The following PPP1R12B variants were observed in gnomAD, a reference collection of about 807,000 sequenced individuals.
The protein encoded by PPP1R12B is myosin phosphatase target subunit 2.
In PPP1R12B, 76 loss-of-function variants were observed where a neutral mutation model predicts 126.1. The observed-to-expected ratio is 0.60, with a 90% CI of 0.50 to 0.73. The LOEUF is 0.73. Ranked by LOEUF, PPP1R12B falls within the 30% of genes least tolerant of loss-of-function variation. The pLI is 0.00. For synonymous variants in PPP1R12B, 356 were observed against 434.7 expected (o/e 0.82, Z 2.25); for missense variants, 1,052 against 1,205.1 (o/e 0.87, Z 1.88).
At chr1:202,361,745 C>T (rs180800369) in intron 1 of PPP1R12B, among the ~76,000 whole-genome samples, 1 of 151,932 alleles carries the variant, frequency 6.6e-6, no homozygotes, top group Non-Finnish European at 1.5e-5. Context: ...GGGAACGCTC[C>T]AAAGAAAACT....
intron 13 of PPP1R12B, among the ~76,000 whole-genome samples, chr1:202,467,278 G>A (rs1675147443): frequency 6.6e-6 from 1 of 150,826 alleles, no homozygotes; most frequent in African/African-American, 2.4e-5. Flanking sequence ...GAACGTACAG[G>A]TTAGTTACAT....
At chr1:202,549,544 C>T (rs1352875303) in intron 18 of PPP1R12B, among the ~76,000 whole-genome samples, 2 of 151,874 alleles carry the variant, frequency 1.3e-5, no homozygotes, top group Non-Finnish European at 2.9e-5. Flanking sequence ...CTCAGCCTCC[C>T]GAGTAGCTGG....
intron 1 of PPP1R12B, among the ~76,000 whole-genome samples, chr1:202,367,920 G>A (rs1469163850): frequency 1.3e-5 from 2 of 151,906 alleles, no homozygotes; most frequent in Admixed American, 6.6e-5. Flanking sequence ...CTCATGGTTT[G>A]GTGCTGTTCT....
At chr1:202,356,736 A>G (rs986606695) in intron 1 of PPP1R12B, among the ~76,000 whole-genome samples, 1 of 151,982 alleles carries the variant, frequency 6.6e-6, no homozygotes, top group African/African-American at 2.4e-5. Flanking sequence ...AAGGCAAGGA[A>G]GTGGATTCTT....
At chr1:202,569,948 G>A (rs1218455017) in intron 23 of PPP1R12B, among the ~76,000 whole-genome samples, 4 of 152,168 alleles carry the variant, frequency 2.6e-5, no homozygotes, top group African/African-American at 7.2e-5. Context: ...GGGGCAGGGG[G>A]AGGGGAGGAG....
chr1:202,373,820 G>C (rs1660703401), intron 1 of PPP1R12B, among the ~76,000 whole-genome samples: 2 of 152,016 alleles, frequency 1.3e-5, no homozygotes, highest in Admixed American at 6.6e-5. Flanking sequence ...ACACAGAAAA[G>C]TGTACATAAA....
intron 1 of PPP1R12B, among the ~76,000 whole-genome samples, chr1:202,384,394 T>C (rs1173781252): frequency 6.6e-6 from 1 of 152,186 alleles, no homozygotes; most frequent in Non-Finnish European, 1.5e-5. Context: ...AGTACTGATA[T>C]ATGCTACAAC....
intron 23 of PPP1R12B, chr1:202,575,826 C>A (rs1487403610): frequency 6.6e-6 from 1 of 152,142 alleles, no homozygotes; most frequent in Non-Finnish European, 1.5e-5. Flanking sequence ...GAACCACAGC[C>A]CTTTGGATAC....
rs1478149475 is a variant in PPP1R12B at position 202,584,832 on chromosome 1, T to A, written c.*4272T>A. ...AATTCTACTCTACCAGATGAGCCAC[T>A]GGTTCCACTGGAGCTTATCAGTGAA... On this transcript the variant is annotated 3_prime_UTR_variant, in exon 24 of 24. Transcript: ENST00000608999. 1 of 152,230 alleles carries A rather than the reference T, an allele frequency of 6.6e-6. No individual in the cohort carries two copies. Among genetic ancestry groups the A allele is most frequent in the African/African-American group, 2.4e-5 (1 of 41,468 alleles). 9.4% of individuals were successfully genotyped at this position (152,230 alleles called of 1,614,324 possible).
At chr1:202,414,010 C>T (rs1485890599) in intron 1 of PPP1R12B, among the ~76,000 whole-genome samples, 3 of 152,172 alleles carry the variant, frequency 2.0e-5, no homozygotes, top group South Asian at 2.1e-4. Flanking sequence ...CAACGTCTGC[C>T]TCCTGGGTTC....
intron 18 of PPP1R12B, chr1:202,502,627 T>C (rs1258449418): frequency 6.6e-6 from 2 of 301,204 alleles, no homozygotes; most frequent in Non-Finnish European, 4.9e-6. Context: ...AAAATAAATA[T>C]ATAAAGTAAA....
At chr1:202,373,384 CTA>C (rs1354724700) in intron 1 of PPP1R12B, among the ~76,000 whole-genome samples, 2 of 152,102 alleles carry the variant, frequency 1.3e-5, no homozygotes, top group Non-Finnish European at 2.9e-5. Context: ...ATCTAAGAAA[CTA>C]TTGCCTCTTC....
rs369461683 is a variant in PPP1R12B, at chr1:202,416,774, C to T, written c.292-13C>T. 5 of 1,611,656 alleles carry T rather than the reference C, an allele frequency of 3.1e-6. No homozygotes were observed. The highest frequency in any genetic ancestry group is 4.2e-6 in the Non-Finnish European group (5 of 1,178,558). ...AATACTTGTTGAATGAATGAATGGA[C>T]TTTTCTTTTCAGGCATGTATTGATG... is the stretch of plus-strand genomic sequence containing the variant. On this transcript the variant is annotated splice_polypyrimidine_tract_variant and intron_variant, in intron 1 of 23. Coordinates refer to ENST00000608999, the MANE Select transcript of PPP1R12B (RefSeq NM_002481.4).
chr1:202,467,208 G>A (rs1327741906), intron 13 of PPP1R12B, among the ~76,000 whole-genome samples: 1 of 151,292 alleles, frequency 6.6e-6, no homozygotes, highest in Non-Finnish European at 1.5e-5. Context: ...TTGTTTTGTA[G>A]GATGTCTCTC....
At chr1:202,441,487 C>T (rs1671614819) in intron 11 of PPP1R12B, among the ~76,000 whole-genome samples, 1 of 152,098 alleles carries the variant, frequency 6.6e-6, no homozygotes, top group South Asian at 2.1e-4. Flanking sequence ...ACTCCAGAAT[C>T]TCAGGCCCTA....
chr1:202,540,860 A>G (rs1429700766), intron 18 of PPP1R12B, among the ~76,000 whole-genome samples: 1 of 152,224 alleles, frequency 6.6e-6, no homozygotes, highest in Admixed American at 6.5e-5. Flanking sequence ...TTAAAAGCCA[A>G]AGAACTAACT....
At chr1:202,427,971 A>T (rs1488200627) in intron 5 of PPP1R12B, among the ~76,000 whole-genome samples, 5 of 144,304 alleles carry the variant, frequency 3.5e-5, no homozygotes, top group South Asian at 2.2e-4. Flanking sequence ...AATTAAACTA[A>T]TTTTTTTTTT....
intron 1 of PPP1R12B, among the ~76,000 whole-genome samples, chr1:202,350,633 T>A (rs1655775199): frequency 6.6e-6 from 1 of 151,968 alleles, no homozygotes; most frequent in Non-Finnish European, 1.5e-5. Context: ...TTCTTTTTTT[T>A]TTTTTGATTC....
intron 1 of PPP1R12B, among the ~76,000 whole-genome samples, chr1:202,368,328 C>T (rs1659644137): frequency 6.6e-6 from 1 of 152,150 alleles, no homozygotes; most frequent in Non-Finnish European, 1.5e-5. Flanking sequence ...CTCCCATTCT[C>T]GCCCTGTGAT....
Sources: gnomAD v4.1 joint callset for allele counts (sites outside exome capture counted in the v4.1 genomes callset) on GRCh38, gnomAD v4.1.1 for gene constraint, MANE v1.5 for transcripts, NCBI Gene and HGNC (gene_info 2026-07-23, HGNC 2026-07-21) for gene names.